Variants in GALNT17 observed in about 807,000 individuals in gnomAD.
GALNT17 encodes the protein UDP-GalNAc:polypeptide N-acetylgalactosaminyltransferase-like 3.
A neutral mutation model predicts 63.7 loss-of-function variants in GALNT17; 29 were observed. The observed-to-expected ratio is 0.46, with a 90% CI of 0.34 to 0.62. The LOEUF (loss-of-function observed/expected upper bound fraction) is 0.62, where lower values mean the gene tolerates loss of function less well. Ranked by LOEUF, GALNT17 falls within the 20% of genes least tolerant of loss-of-function variation. The pLI, the probability that GALNT17 is intolerant of heterozygous loss-of-function variation, is 0.01. For missense variants in GALNT17, 603 were observed against 799.6 expected (o/e 0.75, Z 2.97); for synonymous variants, 305 against 318.3 (o/e 0.96, Z 0.45).
intron 1 of GALNT17, among the ~76,000 whole-genome samples, chr7:71,213,764 A>C (rs1255369219): frequency 6.6e-6 from 1 of 152,088 alleles, no homozygotes; most frequent in African/African-American, 2.4e-5. Flanking sequence ...TTTTCATTTT[A>C]ATCATTCTTT....
At chr7:71,574,369 G>T (rs1194726633) in intron 6 of GALNT17, among the ~76,000 whole-genome samples, 1 of 152,124 alleles carries the variant, frequency 6.6e-6, no homozygotes, top group Non-Finnish European at 1.5e-5. Context: ...ACTGCTCAGG[G>T]TAGGTCTTTA....
intron 5 of GALNT17, among the ~76,000 whole-genome samples, chr7:71,440,373 A>G (rs1420344168): frequency 1.3e-5 from 1 of 77,278 alleles, no homozygotes; most frequent in African/African-American, 5.6e-5. Flanking sequence ...TTTCTTTCTT[A>G]ATTTTTTTTT....
At chr7:71,473,429 T>C (rs2116621413) in intron 5 of GALNT17, among the ~76,000 whole-genome samples, 1 of 152,280 alleles carries the variant, frequency 6.6e-6, no homozygotes, top group African/African-American at 2.4e-5. Context: ...TCAAAATAAG[T>C]CAAAGCAATA....
chr7:71,319,393 C>T (rs1421137385), intron 1 of GALNT17, among the ~76,000 whole-genome samples: 2 of 152,052 alleles, frequency 1.3e-5, no homozygotes, highest in Non-Finnish European at 1.5e-5. Context: ...CTACGTTCTT[C>T]TGTTTTCTTT....
At chr7:71,144,960 C>A (rs1218408684) in intron 1 of GALNT17, among the ~76,000 whole-genome samples, 2 of 152,116 alleles carry the variant, frequency 1.3e-5, no homozygotes, top group Non-Finnish European at 2.9e-5. Flanking sequence ...GATCTCCTGA[C>A]TTCGTGATTT....
intron 1 of GALNT17, among the ~76,000 whole-genome samples, chr7:71,252,738 G>A (rs947526737): frequency 2.6e-5 from 4 of 152,104 alleles, no homozygotes; most frequent in African/African-American, 9.7e-5. Context: ...TGCCAAAGGG[G>A]AAAGTCAAGC....
At position 71,133,015 on chromosome 7, in the gene GALNT17, G is replaced by T; in HGVS notation, c.213G>T (p.Glu71Asp). 1 of 1,591,194 alleles carries T rather than the reference G, an allele frequency of 6.3e-7. No individual in the cohort carries two copies. Residue 71 changes from glutamate (E) to aspartate (D), a missense_variant, in exon 1 of 11, where the codon GAG (glutamate) becomes GAT (aspartate). Physicochemically the swap from Glu to Asp is conservative, Grantham distance 45 (BLOSUM62 2). Around this residue, in one of 3 missense-constraint regions of GALNT17, gnomAD observed 195 missense variants for 215.0 expected, o/e 0.91. Coordinates refer to ENST00000333538, the MANE Select transcript of GALNT17 (RefSeq NM_022479.3). ...DAVLKRLSLL[E>D]DIVYRQLNGL... ...TCCTGAAGCGCCTGTCGCTGCTGGAGGACATCGTGTACCGGCAGCTGAATG... is the reference window on the plus strand; with the variant it reads ...TCCTGAAGCGCCTGTCGCTGCTGGATGACATCGTGTACCGGCAGCTGAATG...
At chr7:71,157,450 G>A (rs536038345) in intron 1 of GALNT17, among the ~76,000 whole-genome samples, 57 of 151,922 alleles carry the variant, frequency 3.8e-4, no homozygotes, top group Non-Finnish European at 2.2e-4. Flanking sequence ...CTGAGGTCGG[G>A]AGTTCGAGAC....
At chr7:71,440,164 G>A (rs1214945235) in intron 5 of GALNT17, among the ~76,000 whole-genome samples, 3 of 151,626 alleles carry the variant, frequency 2.0e-5, no homozygotes, top group Non-Finnish European at 4.4e-5. Context: ...TCCTGACCTC[G>A]AGTGATCCAT....
Position 71,511,434 on chromosome 7 carries a change from C to G in GALNT17, c.963-59851C>G, listed in dbSNP as rs1788353940. Among the ~76,000 whole-genome samples the G allele has an allele frequency of 2.0e-5, 3 of 152,244 alleles. No homozygotes were observed. The South Asian group carries it at 6.2e-4, about 32-fold the overall frequency. ...TTTTATTGCAACAGCAATGGGAAGC[C>G]TTTTGAAGACTTTCACGCAGTGGCA... On this transcript the variant is annotated intron_variant, in intron 5 of 10. Coordinates refer to ENST00000333538, the MANE Select transcript of GALNT17 (RefSeq NM_022479.3).
chr7:71,503,864 G>A (rs533068657), intron 5 of GALNT17, among the ~76,000 whole-genome samples: 3 of 152,218 alleles, frequency 2.0e-5, no homozygotes, highest in Non-Finnish European at 2.9e-5. Context: ...GAGAGGCTGA[G>A]GCGGGCAGAT....
chr7:71,215,626 GTCCTGGAGTATTTTAAAGCAAA>G (rs1251785378), intron 1 of GALNT17, among the ~76,000 whole-genome samples: 4 of 151,988 alleles, frequency 2.6e-5, no homozygotes, highest in Non-Finnish European at 5.9e-5. Context: ...ACCCTTGTTC[GTCCTGGAGTATTTTAAAGCAAA>G]TCCCAGATAC....
At chr7:71,692,961 A>T (rs2117097340) in intron 9 of GALNT17, among the ~76,000 whole-genome samples, 1 of 149,872 alleles carries the variant, frequency 6.7e-6, no homozygotes, top group Middle Eastern at 3.4e-3. Flanking sequence ...CTGGTCTCAA[A>T]CTCCTGACCT....
chr7:71,278,320 C>T (rs1006565380), intron 1 of GALNT17, among the ~76,000 whole-genome samples: 1 of 152,188 alleles, frequency 6.6e-6, no homozygotes, highest in African/African-American at 2.4e-5. Flanking sequence ...CAACTCATCT[C>T]AGATTTCTAG....
At chr7:71,613,503 A>C (rs1432464129) in intron 6 of GALNT17, among the ~76,000 whole-genome samples, 1 of 152,196 alleles carries the variant, frequency 6.6e-6, no homozygotes, top group Non-Finnish European at 1.5e-5. Flanking sequence ...GTTTCAGCCA[A>C]ATCCTTCTTT....
At chr7:71,640,689 ATAGT>A (rs1015465190) in intron 6 of GALNT17, among the ~76,000 whole-genome samples, 5 of 152,110 alleles carry the variant, frequency 3.3e-5, no homozygotes, top group African/African-American at 4.8e-5. Flanking sequence ...ATATTTCAAC[ATAGT>A]TAGTCTTTAG....
chr7:71,549,233 G>A (rs998248128), intron 5 of GALNT17, among the ~76,000 whole-genome samples: 7 of 152,140 alleles, frequency 4.6e-5, no homozygotes, highest in African/African-American at 1.7e-4. Flanking sequence ...GACCTATATG[G>A]CTTGAAGAGG....
chr7:71,227,174 CAAAAAAAAAA>C (rs58450619), intron 1 of GALNT17, among the ~76,000 whole-genome samples: 12 of 60,828 alleles, frequency 2.0e-4, no homozygotes, highest in East Asian at 4.8e-4. Flanking sequence ...ACCGTCTCTA[CAAAAAAAAAA>C]AAAAAAAAAA....
At chr7:71,224,468 A>G (rs775076335) in intron 1 of GALNT17, among the ~76,000 whole-genome samples, 11 of 152,182 alleles carry the variant, frequency 7.2e-5, no homozygotes, top group Non-Finnish European at 1.2e-4. Context: ...CATCTGTTTG[A>G]GAGAGTGCTT....
Sources: allele counts gnomAD v4.1 joint callset (sites outside exome capture counted in the v4.1 genomes callset), GRCh38; gene constraint gnomAD v4.1.1; regional missense constraint gnomAD v4.1.1; transcripts MANE v1.5; gene names NCBI Gene and HGNC (gene_info 2026-07-23, HGNC 2026-07-21).